Variants in SLC35F3 observed in about 807,000 individuals in gnomAD.
SLC35F3 encodes the protein solute carrier family 35 member F3.
In SLC35F3, 25 loss-of-function variants were observed where a neutral mutation model predicts 49.9. The ratio of observed to expected loss-of-function variants is 0.50; its 90% CI spans 0.37 to 0.70. The LOEUF (loss-of-function observed/expected upper bound fraction) is 0.70, where lower values mean the gene tolerates loss of function less well. SLC35F3 is among the 30% of genes least tolerant of loss of function. The pLI, the probability that SLC35F3 is intolerant of heterozygous loss-of-function variation, is 0.00. For synonymous variants in SLC35F3, 275 were observed against 265.4 expected (o/e 1.04, Z -0.35); for missense variants, 525 against 639.8 (o/e 0.82, Z 1.94).
Position 233,904,927 on chromosome 1 carries a change from G to A in SLC35F3, c.-151G>A, listed in dbSNP as rs1661744108. On this transcript the variant is annotated 5_prime_UTR_variant, in exon 1 of 8. Transcript: ENST00000366618. The stretch of plus-strand genomic sequence containing the variant: ...GCGCTCGGGTACAGACCGCGCGGGC[G>A]CGCACAAAGCGGCCCGGGGCGGCCG... 2 of 764,298 alleles carry A rather than the reference G, an allele frequency of 2.6e-6. No homozygotes were observed. Among genetic ancestry groups the A allele is most frequent in the African/African-American group, 1.9e-5 (1 of 53,014 alleles). 47.3% of individuals were successfully genotyped at this position (764,298 alleles called of 1,614,324 possible). A position where few individuals can be genotyped will look rare whatever the true frequency, so the allele number is the denominator to read the frequency against.
intron 2 of SLC35F3, among the ~76,000 whole-genome samples, chr1:233,964,688 G>A (rs1369778903): frequency 6.6e-6 from 1 of 152,206 alleles, no homozygotes; most frequent in Non-Finnish European, 1.5e-5. Flanking sequence ...CAGACAGAGG[G>A]ACAAAGGAGT....
At chr1:234,266,891 T>TA (rs1667990057) in intron 3 of SLC35F3, among the ~76,000 whole-genome samples, 1 of 149,916 alleles carries the variant, frequency 6.7e-6, no homozygotes, top group Admixed American at 6.7e-5. Context: ...TTTTTTTTTT[T>TA]TTTTTTATTG....
At chr1:234,037,304 G>T (rs1364772855) in intron 2 of SLC35F3, among the ~76,000 whole-genome samples, 1 of 152,168 alleles carries the variant, frequency 6.6e-6, no homozygotes, top group Non-Finnish European at 1.5e-5. Flanking sequence ...TTAGCAATCA[G>T]TTCTTGCAGG....
chr1:234,046,020 T>G lies in SLC35F3; in HGVS notation c.283+140262T>G, dbSNP rs974952887. On this transcript the variant is annotated intron_variant, in intron 2 of 7. Transcript: ENST00000366618. This position sits in a 1 kb window ranked among gnomAD's most constrained non-coding sequence, Gnocchi z 4.4. ...TCCATTGTAGCTGAATAATATGCTA[T>G]GTTTATCCTTTACCTGTTGATGGAC... 6.6e-6 allele frequency among the ~76,000 whole-genome samples: 1 copy of G among 152,174 alleles called. No individual in the cohort carries two copies. The highest frequency in any genetic ancestry group is 1.5e-5 in the Non-Finnish European group (1 of 67,984).
At chr1:234,100,658 C>A (rs1444750825) in intron 2 of SLC35F3, among the ~76,000 whole-genome samples, 1 of 151,928 alleles carries the variant, frequency 6.6e-6, no homozygotes, top group Non-Finnish European at 1.5e-5. Context: ...AGTGTAGATA[C>A]ACATATGCAC....
chr1:234,323,548 G>A lies in SLC35F3; in HGVS notation c.*305G>A. On this transcript the variant is annotated 3_prime_UTR_variant, in exon 8 of 8. Coordinates refer to ENST00000366618, the MANE Select transcript of SLC35F3 (RefSeq NM_173508.4). This position sits in a 1 kb window ranked among gnomAD's most constrained non-coding sequence, Gnocchi z 4.5. ...GACGTTCTTGACAAGCCAGCCATCA[G>A]GGCAAGTGTTTTGAATCTTAGCAAG... 2.5e-6 allele frequency: 1 copy of A among 407,436 alleles called. No individual in the cohort carries two copies. The highest frequency in any genetic ancestry group is 4.5e-6 in the Non-Finnish European group (1 of 224,592). 25.2% of individuals were successfully genotyped at this position (407,436 alleles called of 1,614,324 possible).
chr1:233,941,962 G>GTTTTTTT (rs547024039), intron 2 of SLC35F3, among the ~76,000 whole-genome samples: 6 of 118,954 alleles, frequency 5.0e-5, no homozygotes, highest in East Asian at 2.9e-4. Flanking sequence ...TTGTTTTTTT[G>GTTTTTTT]TTTTTTTTTT....
At chr1:234,299,874 C>A (rs181095904) in intron 3 of SLC35F3, among the ~76,000 whole-genome samples, 1 of 144,614 alleles carries the variant, frequency 6.9e-6, no homozygotes, top group East Asian at 2.0e-4. Context: ...TATTTTACCA[C>A]AATTAAAAAT....
intron 2 of SLC35F3, among the ~76,000 whole-genome samples, chr1:234,216,841 G>GC (rs1667129912): frequency 6.6e-6 from 1 of 152,154 alleles, no homozygotes; most frequent in African/African-American, 2.4e-5. Flanking sequence ...TGCCTGGCAA[G>GC]CCCCCAGTTG....
At chr1:234,166,776 G>A (rs745481646) in intron 2 of SLC35F3, among the ~76,000 whole-genome samples, 1 of 152,162 alleles carries the variant, frequency 6.6e-6, no homozygotes, top group Non-Finnish European at 1.5e-5. Flanking sequence ...ATGCAGTAAG[G>A]CCCCTTGGCT....
At chr1:234,025,154 T>A (rs1663958640) in intron 2 of SLC35F3, among the ~76,000 whole-genome samples, 1 of 152,256 alleles carries the variant, frequency 6.6e-6, no homozygotes, top group Admixed American at 6.5e-5. Flanking sequence ...ATGATTTTGT[T>A]CTTTTTTTGG....
At chr1:234,107,047 A>G (rs1665295077) in intron 2 of SLC35F3, among the ~76,000 whole-genome samples, 1 of 152,224 alleles carries the variant, frequency 6.6e-6, no homozygotes, top group African/African-American at 2.4e-5. Context: ...TACAACAACA[A>G]AAACATTCTC....
At chr1:234,317,246 G>T (rs1013485375) in intron 5 of SLC35F3, among the ~76,000 whole-genome samples, 1 of 152,216 alleles carries the variant, frequency 6.6e-6, no homozygotes, top group Non-Finnish European at 1.5e-5. Flanking sequence ...GGATAATAAA[G>T]TATTTTGATG....
intron 3 of SLC35F3, among the ~76,000 whole-genome samples, chr1:234,275,080 G>A (rs1334040591): frequency 6.6e-6 from 1 of 151,970 alleles, no homozygotes; most frequent in African/African-American, 2.4e-5. Context: ...AATCTGAAAT[G>A]CTTCAAATCT....
chr1:234,198,155 C>T (rs1190236472), intron 2 of SLC35F3, among the ~76,000 whole-genome samples: 1 of 152,198 alleles, frequency 6.6e-6, no homozygotes, highest in Non-Finnish European at 1.5e-5. Context: ...AACAGGTGTT[C>T]TTGATTAGCA....
intron 2 of SLC35F3, among the ~76,000 whole-genome samples, chr1:234,048,651 G>GCCTTGGGAT (rs1346237003): frequency 6.6e-6 from 1 of 152,268 alleles, no homozygotes; most frequent in Non-Finnish European, 1.5e-5. Flanking sequence ...AGCCTTGGGA[G>GCCTTGGGAT]CAATGCCACC....
chr1:234,248,922 A>G (rs1667691227), intron 3 of SLC35F3, among the ~76,000 whole-genome samples: 1 of 152,186 alleles, frequency 6.6e-6, no homozygotes, highest in African/African-American at 2.4e-5. Flanking sequence ...GGAAACCTTC[A>G]GATACGTGTG....
At chr1:234,159,168 T>C (rs1277559900) in intron 2 of SLC35F3, among the ~76,000 whole-genome samples, 1 of 152,132 alleles carries the variant, frequency 6.6e-6, no homozygotes, top group East Asian at 1.9e-4. Flanking sequence ...ATGTTTAAGA[T>C]GAACATTTAC....
intron 3 of SLC35F3, among the ~76,000 whole-genome samples, chr1:234,262,569 AC>A (rs1051524487): frequency 6.6e-6 from 1 of 151,982 alleles, no homozygotes; most frequent in Non-Finnish European, 1.5e-5. Context: ...TGTTTTTATT[AC>A]TCCCTTCCTG....
Sources: allele counts gnomAD v4.1 joint callset (sites outside exome capture counted in the v4.1 genomes callset), GRCh38; gene constraint gnomAD v4.1.1; non-coding constraint Gnocchi (gnomAD v3.1); transcripts MANE v1.5; gene names NCBI Gene and HGNC (gene_info 2026-07-23, HGNC 2026-07-21).